SOX6: variants seen among roughly 807,000 people sequenced by gnomAD.
SOX6 encodes the protein SRY-box transcription factor 6.
In SOX6, 11 loss-of-function variants were observed where a neutral mutation model predicts 97.8. The observed-to-expected ratio is 0.11, with a 90% CI of 0.07 to 0.19. SOX6 has a LOEUF of 0.19. Ranked by LOEUF, SOX6 falls within the 10% of genes least tolerant of loss-of-function variation. The probability of loss-of-function intolerance (pLI) is 1.00; values close to 1 mark genes in which losing one functional copy is unlikely to be tolerated. For missense variants in SOX6, 810 were observed against 1,039.5 expected, an observed-to-expected ratio of 0.78 and a Z score of 3.04; for synonymous variants, 360 against 371.4, an observed-to-expected ratio of 0.97 and a Z score of 0.35.
chr11:16,146,207 A>G (rs1236148645), intron 6 of SOX6, among the ~76,000 whole-genome samples: 2 of 152,180 alleles, frequency 1.3e-5, no homozygotes, highest in African/African-American at 4.8e-5. Flanking sequence ...ACACATCTAC[A>G]ACTATCTGAT....
chr11:15,981,951 G>A (rs1209735061), intron 15 of SOX6, among the ~76,000 whole-genome samples: 1 of 151,980 alleles, frequency 6.6e-6, no homozygotes, highest in Admixed American at 6.6e-5. Flanking sequence ...CATTGGTATT[G>A]TCATTCTCAT....
chr11:16,253,597 C>A (rs188913249), intron 3 of SOX6, among the ~76,000 whole-genome samples: 194 of 152,008 alleles, frequency 1.3e-3, no homozygotes, highest in African/African-American at 4.5e-3. Context: ...AATGCCTTTG[C>A]TGGGCTCACT....
In SOX6 at chr11:16,318,632, A is replaced by T; in HGVS notation, c.259T>A (p.Cys87Ser). Residue 87 changes from cysteine to serine, a missense_variant, in exon 3 of 16, where the codon TGT becomes AGT. This residue lies in a region of SOX6 where 46 missense variants were observed against 84.1 expected (regional missense o/e 0.55). Coordinates refer to ENST00000683767, the MANE Select transcript of SOX6 (RefSeq NM_001367873.1). ...GTATTTCGGAAGGAATATAGGGAAC[A>T]TAACTTATTATTCTCTGATTCCTAG... Reference protein sequence around the residue: ...QRMESENNKLCSLYSFRNTST... With the variant: ...QRMESENNKLSSLYSFRNTST... 1 of 1,612,928 alleles carries T rather than the reference A, an allele frequency of 6.2e-7. No homozygotes were observed.
intron 3 of SOX6, among the ~76,000 whole-genome samples, chr11:16,278,395 T>A (rs1333468622): frequency 1.3e-5 from 2 of 152,084 alleles, no homozygotes; most frequent in Non-Finnish European, 2.9e-5. Context: ...ATACAGTAAT[T>A]ATGACCTATG....
chr11:16,528,712 T>C (rs1181834001), intron 4 of SOX6, among the ~76,000 whole-genome samples: 3 of 152,068 alleles, frequency 2.0e-5, no homozygotes, highest in African/African-American at 7.2e-5. Flanking sequence ...TGAGAAGATA[T>C]GTGAATGAGA....
intron 4 of SOX6, among the ~76,000 whole-genome samples, chr11:16,223,677 C>T (rs1481161395): frequency 6.6e-6 from 1 of 152,104 alleles, no homozygotes; most frequent in South Asian, 2.1e-4. Flanking sequence ...ATCTAACACA[C>T]ATCATTTAAG....
chr11:16,207,203 G>A (rs928923711), intron 4 of SOX6, among the ~76,000 whole-genome samples: 17 of 152,120 alleles, frequency 1.1e-4, no homozygotes, highest in African/African-American at 3.4e-4. Flanking sequence ...TTTTAAAAGT[G>A]AGAAATTAAG....
chr11:16,683,521 T>G (rs889296914), intron 3 of SOX6, among the ~76,000 whole-genome samples: 2 of 152,200 alleles, frequency 1.3e-5, no homozygotes, highest in African/African-American at 4.8e-5. Flanking sequence ...CTGGGAAAAT[T>G]GGCTAACCAT....
At chr11:16,636,244 G>A (rs147808799) in intron 3 of SOX6, among the ~76,000 whole-genome samples, 106 of 152,334 alleles carry the variant, frequency 7.0e-4, no homozygotes, top group African/African-American at 2.5e-3. Context: ...GGTCATGGAA[G>A]TCCACCTCTT....
chr11:16,386,916 T>C (rs1289901747), intron 1 of SOX6, among the ~76,000 whole-genome samples: 4 of 152,184 alleles, frequency 2.6e-5, no homozygotes, highest in African/African-American at 9.6e-5. Context: ...TGGTACTCAA[T>C]GGATTTAGGA....
intron 3 of SOX6, among the ~76,000 whole-genome samples, chr11:16,621,053 A>G (rs1848539021): frequency 6.6e-6 from 1 of 152,228 alleles, no homozygotes; most frequent in African/African-American, 2.4e-5. Flanking sequence ...TATTTGGAAG[A>G]GCATGGAGAT....
intron 6 of SOX6, among the ~76,000 whole-genome samples, chr11:16,166,003 G>A (rs978247653): frequency 6.6e-6 from 1 of 151,934 alleles, no homozygotes. Context: ...CTCAATATTA[G>A]CTATGTATTT....
chr11:16,057,769 A>T lies in SOX6; in HGVS notation c.1102-1868T>A, dbSNP rs545245970. 2.0e-5 allele frequency among the ~76,000 whole-genome samples: 3 copies of T among 152,254 alleles called. No individual in the cohort carries two copies. In the East Asian group the frequency reaches 5.8e-4, roughly 29 times the overall value. ...CTTAGTTGTAGTTTGACTGGTATAG[A>T]ATTCTAAGTTGAAAATAATTCTGCC... On this transcript the variant is annotated intron_variant, in intron 9 of 15. Coordinates refer to ENST00000683767, the MANE Select transcript of SOX6 (RefSeq NM_001367873.1).
intron 4 of SOX6, among the ~76,000 whole-genome samples, chr11:16,563,746 AT>A (rs1565181539): frequency 6.6e-6 from 1 of 152,236 alleles, no homozygotes; most frequent in African/African-American, 2.4e-5. Flanking sequence ...ACATACATAC[AT>A]AAACCTACAG....
chr11:16,014,594 T>C (rs1413892297), intron 13 of SOX6, among the ~76,000 whole-genome samples: 2 of 152,110 alleles, frequency 1.3e-5, no homozygotes, highest in Non-Finnish European at 2.9e-5. Flanking sequence ...TCCTCCTTTC[T>C]AAGTTTTCCC....
At chr11:16,106,105 ACT>A (rs1590200006) in intron 7 of SOX6, among the ~76,000 whole-genome samples, 2 of 152,160 alleles carry the variant, frequency 1.3e-5, no homozygotes, top group East Asian at 3.8e-4. Context: ...AAGATTTAAC[ACT>A]GTTAAGATGG....
chr11:16,126,588 A>G (rs1849619750), intron 6 of SOX6, among the ~76,000 whole-genome samples: 1 of 152,166 alleles, frequency 6.6e-6, no homozygotes, highest in African/African-American at 2.4e-5. Flanking sequence ...ATAGGCTTTC[A>G]TTGAAAAGCA....
intron 2 of SOX6, among the ~76,000 whole-genome samples, chr11:16,328,798 T>C (rs1157984019): frequency 1.3e-5 from 2 of 152,160 alleles, no homozygotes; most frequent in East Asian, 3.8e-4. Flanking sequence ...CTAACCTTTT[T>C]AATATGCTGA....
intron 9 of SOX6, among the ~76,000 whole-genome samples, chr11:16,078,949 A>G (rs990224866): frequency 6.6e-6 from 1 of 152,192 alleles, no homozygotes; most frequent in East Asian, 1.9e-4. Flanking sequence ...GTAATATGTC[A>G]GGTGTCAGAA....
Sources: gnomAD v4.1 joint callset for allele counts (sites outside exome capture counted in the v4.1 genomes callset) on GRCh38, gnomAD v4.1.1 for gene constraint, gnomAD v4.1.1 regional missense constraint, MANE v1.5 for transcripts, NCBI Gene and HGNC (gene_info 2026-07-23, HGNC 2026-07-21) for gene names.